Variants in PCID2 observed in about 807,000 individuals in gnomAD.
PCID2 encodes the protein PCI domain-containing protein 2.
A neutral mutation model predicts 61.3 loss-of-function variants in PCID2; 41 were observed. The ratio of observed to expected loss-of-function variants is 0.67; its 90% CI spans 0.52 to 0.87. PCID2 has a LOEUF of 0.87. Ranked by LOEUF, PCID2 falls within the 40% of genes least tolerant of loss-of-function variation. The pLI is 0.00. For synonymous variants in PCID2, 187 were observed against 177.8 expected (o/e 1.05, Z -0.41); for missense variants, 392 against 493.4 (o/e 0.79, Z 1.95).
At chr13:113,200,331 T>C (rs1367600778) in intron 2 of PCID2, 96 bp downstream of exon 2, 6 of 749,680 alleles carry the variant, frequency 8.0e-6, no homozygotes, top group African/African-American at 1.8e-5. Flanking sequence ...AGTGACAATA[T>C]TAGTTTTCTT....
intron 8 of PCID2, 116 bp downstream of exon 8, chr13:113,185,369 G>C: frequency 1.3e-6 from 1 of 746,902 alleles, no homozygotes; most frequent in Non-Finnish European, 2.4e-6. Context: ...CTAGGAATAC[G>C]GTTATGATCA....
chr13:113,180,175 T>G lies in PCID2; in HGVS notation c.843A>C (p.Glu281Asp), dbSNP rs1456562032. The change falls in exon 11 of 14, where the codon GAA (glutamate) becomes GAC (aspartate). Residue 281 changes from glutamate to aspartate, a missense_variant. This residue lies in a region of PCID2 where 226 missense variants were observed against 296.5 expected (regional missense o/e 0.76). Coordinates refer to ENST00000337344, the MANE Select transcript of PCID2 (RefSeq NM_001127202.4). ...LKKYHLMQFA[E>D]VTRAVSEGNL... ...TACTCTACCTCACAGCTCTGGTTAC[T>G]TCCGCAAACTGCATCAGGTGATACT... 7.4e-6 allele frequency: 12 copies of G among 1,614,036 alleles called. No individual in the cohort carries two copies. The highest frequency in any genetic ancestry group is 6.7e-5 in the Admixed American group (4 of 60,028).
chr13:113,180,182 A>C lies in PCID2; in HGVS notation c.836T>G (p.Phe279Cys). 6.2e-7 allele frequency: 1 copy of C among 1,613,990 alleles called. No individual in the cohort carries two copies. Among genetic ancestry groups the C allele is most frequent in the Non-Finnish European group, 8.5e-7 (1 of 1,179,918 alleles). ...CCTCACAGCTCTGGTTACTTCCGCA[A>C]ACTGCATCAGGTGATACTTTTTCAG... ...ELLKKYHLMQ[F>C]AEVTRAVSEG... Residue 279 changes from phenylalanine (F) to cysteine (C), a missense_variant, in exon 11 of 14, where the codon TTT becomes TGT. Phe to Cys is a radical substitution (Grantham distance 205). Coordinates refer to ENST00000337344, the MANE Select transcript of PCID2 (RefSeq NM_001127202.4).
chr13:113,198,846 G>A (rs567083883), intron 2 of PCID2, among the ~76,000 whole-genome samples: 1 of 152,312 alleles, frequency 6.6e-6, no homozygotes, highest in Admixed American at 6.5e-5. Flanking sequence ...ATACATTTCA[G>A]TATATTAGTA....
chr13:113,165,209 T>A, the PCID2 span: 1 of 1,356,418 alleles, frequency 7.4e-7, no homozygotes, highest in Non-Finnish European at 1.0e-6. Context: ...GACAACTAAG[T>A]GAATCAGGCA....
intron 9 of PCID2, chr13:113,183,977 C>T: frequency 2.0e-6 from 2 of 985,312 alleles, no homozygotes; most frequent in Non-Finnish European, 2.4e-6. Context: ...AAGTCAGTCG[C>T]TGAACTAAAT....
chr13:113,168,340 T>C, the PCID2 span, among the ~76,000 whole-genome samples: 2 of 152,250 alleles, frequency 1.3e-5, no homozygotes, highest in African/African-American at 4.8e-5. Context: ...TCTGCTGTGC[T>C]GTGAGGCGTC....
intron 8 of PCID2, among the ~76,000 whole-genome samples, chr13:113,184,952 C>T (rs2037974866): frequency 1.3e-5 from 2 of 152,268 alleles, no homozygotes; most frequent in African/African-American, 4.8e-5. Flanking sequence ...CGCAGCCCTG[C>T]AGGAGCCTGT....
At chr13:113,206,400 T>G (rs1025526182) in intron 1 of PCID2, among the ~76,000 whole-genome samples, 23 of 152,176 alleles carry the variant, frequency 1.5e-4, no homozygotes, top group African/African-American at 5.3e-4. Context: ...CAGCAGGGCG[T>G]CCTGGCTGGG....
intron 6 of PCID2, among the ~76,000 whole-genome samples, chr13:113,191,711 C>T (rs1319769712): frequency 6.6e-6 from 1 of 152,212 alleles, no homozygotes; most frequent in Non-Finnish European, 1.5e-5. Context: ...GTGTTCTCCA[C>T]AAACCCGAGG....
At chr13:113,195,724 G>C (rs2038967252) in intron 5 of PCID2, among the ~76,000 whole-genome samples, 1 of 151,576 alleles carries the variant, frequency 6.6e-6, no homozygotes, top group East Asian at 1.9e-4. Flanking sequence ...GGTTATTTCA[G>C]TATAAACAAA....
chr13:113,183,132 G>T (rs550918974), intron 9 of PCID2, among the ~76,000 whole-genome samples: 1 of 152,140 alleles, frequency 6.6e-6, no homozygotes, highest in Admixed American at 6.5e-5. Context: ...TATGGCCAGC[G>T]CTGGCTTTTT....
intron 9 of PCID2, among the ~76,000 whole-genome samples, chr13:113,182,506 CT>C (rs2037733249): frequency 6.6e-6 from 1 of 152,080 alleles, no homozygotes; most frequent in Non-Finnish European, 1.5e-5. Context: ...TGCATTTTTT[CT>C]TTTTCTTTTT....
chr13:113,179,137 T>C lies in PCID2; in HGVS notation c.987-48A>G. 2 of 1,575,746 alleles carry C rather than the reference T, an allele frequency of 1.3e-6. No individual in the cohort carries two copies. The highest frequency in any genetic ancestry group is 1.7e-4 in the Middle Eastern group (1 of 5,872). Reference sequence around the variant, plus strand: ...CACTGTGGTTACCGACAGGATGCAATACTCCACAGCCAAGAAAAGGCACCT... The same window carrying C: ...CACTGTGGTTACCGACAGGATGCAACACTCCACAGCCAAGAAAAGGCACCT... On this transcript the variant is annotated intron_variant, in intron 12 of 13. Coordinates refer to ENST00000337344, the MANE Select transcript of PCID2 (RefSeq NM_001127202.4). This position sits in a 1 kb window ranked among gnomAD's most constrained non-coding sequence, Gnocchi z 4.3.
At chr13:113,172,492 G>A in the PCID2 span, 140 of 314,128 alleles carry the variant, frequency 4.5e-4, no homozygotes, top group African/African-American at 2.6e-3. Flanking sequence ...GTGCAGAAGC[G>A]ACAACAATCT....
At chr13:113,166,188 T>G in the PCID2 span, 2 of 152,238 alleles carry the variant, frequency 1.3e-5, no homozygotes, top group African/African-American at 4.8e-5. Context: ...ATTTAAAATT[T>G]TCTAGTAGCC....
intron 8 of PCID2, among the ~76,000 whole-genome samples, 191 bp from the exon 9 acceptor site, chr13:113,184,678 C>T (rs994482181): frequency 4.6e-5 from 7 of 152,292 alleles, no homozygotes; most frequent in Admixed American, 2.0e-4. Flanking sequence ...TCTGCAAAGC[C>T]GTTCCGGGGG....
chr13:113,195,142 T>C lies in PCID2; in HGVS notation c.309-17A>G. The C allele has an allele frequency of 6.3e-7, 1 of 1,580,162 alleles. No homozygotes were observed. Among genetic ancestry groups the C allele is most frequent in the East Asian group, 2.2e-5 (1 of 44,716 alleles). ...GGCAGAGCCCTGCAGGGCAAAAAAG[T>C]AAACAAGTGTGAGGGGCTACGTGGG... On this transcript the variant is annotated splice_polypyrimidine_tract_variant and intron_variant, in intron 5 of 13. Coordinates refer to ENST00000337344, the MANE Select transcript of PCID2 (RefSeq NM_001127202.4).
intron 7 of PCID2, chr13:113,188,146 G>A (rs1477073827): frequency 6.6e-6 from 1 of 152,252 alleles, no homozygotes; most frequent in South Asian, 2.1e-4. Flanking sequence ...CCAGCAGTGA[G>A]AGGCTTTAGA....
Sources: gnomAD v4.1 joint callset for allele counts (sites outside exome capture counted in the v4.1 genomes callset) on GRCh38, gnomAD v4.1.1 for gene constraint, gnomAD v4.1.1 regional missense constraint, Gnocchi (gnomAD v3.1) non-coding constraint, MANE v1.5 for transcripts, NCBI Gene and HGNC (gene_info 2026-07-23, HGNC 2026-07-21) for gene names.